Variants in COQ2 observed in about 807,000 individuals in gnomAD.
COQ2 encodes the protein coenzyme Q2, polyprenyltransferase.
COQ2 carries 25 observed loss-of-function variants against 35.7 expected under a neutral mutation model. The ratio of observed to expected loss-of-function variants is 0.70; its 90% confidence interval spans 0.51 to 0.98. COQ2 has a LOEUF of 0.98. COQ2 is among the 50% of genes least tolerant of loss of function. COQ2 has a pLI of 0.00. For synonymous variants in COQ2, 206 were observed against 186.2 expected (o/e 1.11, Z -0.86); for missense variants, 488 against 473.5 (o/e 1.03, Z -0.28).
Position 83,269,928 on chromosome 4 carries a change from CAGAT to C in COQ2, c.690_693del (p.Ser231PhefsTer14). The C allele has an allele frequency of 6.2e-7, 1 of 1,613,328 alleles. No homozygotes were observed. Among genetic ancestry groups the C allele is most frequent in the Middle Eastern group, 1.7e-4 (1 of 6,058 alleles). ...CCAGAAAAATAAAGAGGCAGGCAAA[CAGAT>C]GGATCACAGGAACCCTTGATAGCAG... On this transcript the variant is annotated frameshift_variant, in exon 5 of 7. Transcript: ENST00000647002. LOFTEE classifies it high-confidence loss of function.
chr4:83,272,907 G>A (rs1179613638), intron 3 of COQ2, among the ~76,000 whole-genome samples: 3 of 152,080 alleles, frequency 2.0e-5, no homozygotes, highest in Admixed American at 6.5e-5. Flanking sequence ...ATGCTATCAG[G>A]GCAAGGCACG....
Position 83,284,631 on chromosome 4 carries a change from G to A in COQ2, c.134C>T (p.Pro45Leu), listed in dbSNP as rs1735415914. 6.6e-7 allele frequency: 1 copy of A among 1,511,664 alleles called. No individual in the cohort carries two copies. Among genetic ancestry groups the A allele is most frequent in the East Asian group, 2.8e-5 (1 of 36,306 alleles). The allele number at this position is 1,511,664 out of a possible 1,614,324, so 93.6% of individuals were successfully genotyped here. Residue 45 changes from proline (P) to leucine (L), a missense_variant, in exon 1 of 7, where the codon CCC (proline) becomes CTC (leucine). Transcript: ENST00000647002. ...AGAPHGGDLQ[P>L]PACPEPRGRQ... is the part of the protein sequence containing the mutation. ...CCCGCGCGGCTCGGGACAGGCGGGG[G>A]GCTGCAAGTCACCACCGTGGGGCGC...
intron 6 of COQ2, among the ~76,000 whole-genome samples, chr4:83,266,259 T>C (rs1734915933): frequency 6.6e-6 from 1 of 152,260 alleles, no homozygotes; most frequent in Admixed American, 6.5e-5. Flanking sequence ...TCTGATTTCC[T>C]TCATACCATG....
chr4:83,264,439 G>A (rs1046461656), intron 6 of COQ2, 76 bp from the exon 7 acceptor site: 18 of 1,469,474 alleles, frequency 1.2e-5, no homozygotes, highest in South Asian at 9.1e-5. Flanking sequence ...ATGTTAACAC[G>A]GAGGAGAAAA....
chr4:83,269,588 C>G (rs1469957964), intron 5 of COQ2, among the ~76,000 whole-genome samples: 1 of 152,044 alleles, frequency 6.6e-6, no homozygotes, highest in Non-Finnish European at 1.5e-5. Context: ...TAAAACAGTG[C>G]CTGGCACATA....
At chr4:83,276,586 T>C (rs906611617) in intron 2 of COQ2, among the ~76,000 whole-genome samples, 4 of 152,198 alleles carry the variant, frequency 2.6e-5, no homozygotes, top group African/African-American at 7.2e-5. Context: ...GGAACACTTA[T>C]ACACAGTTGG....
In COQ2 at chr4:83,279,079, T is replaced by C; in HGVS notation, c.289A>G (p.Ile97Val). The change falls in exon 2 of 7, where the codon ATT becomes GTT. Residue 97 changes from isoleucine (I) to valine (V), a missense_variant. Coordinates refer to ENST00000647002, the MANE Select transcript of COQ2 (RefSeq NM_001358921.2). ...CAACCTGGTTCAGCTGCCAAACCAATGCTCCAGGTACATGGTAAATACAGA... is the reference window on the plus strand; with the variant it reads ...CAACCTGGTTCAGCTGCCAAACCAACGCTCCAGGTACATGGTAAATACAGA... ...WLLYLPCTWSIGLAAEPGCFP... is the reference protein window; with the variant it reads ...WLLYLPCTWSVGLAAEPGCFP... The C allele has an allele frequency of 6.3e-7, 1 of 1,591,890 alleles. No individual in the cohort carries two copies. The highest frequency in any genetic ancestry group is 8.6e-7 in the Non-Finnish European group (1 of 1,168,886).
chr4:83,267,637 A>G lies in COQ2; in HGVS notation c.900T>C (p.Thr300=). The change falls in exon 6 of 7, where the codon ACT becomes ACC. Residue 300 remains threonine, a synonymous_variant. Transcript: ENST00000647002. The part of the protein sequence containing the change: ...LSLVGVNSGQ[T]APYYAALGAV... ...CACCCAGGGCAGCGTAGTAGGGAGC[A>G]GTCTGTCCACTGTTCACACCCACTA... The G allele has an allele frequency of 6.3e-7, 1 of 1,584,148 alleles. No individual in the cohort carries two copies. The highest frequency in any genetic ancestry group is 1.2e-5 in the South Asian group (1 of 86,392).
chr4:83,275,159 T>C (rs910982586), intron 2 of COQ2, among the ~76,000 whole-genome samples: 6 of 152,252 alleles, frequency 3.9e-5, no homozygotes, highest in Non-Finnish European at 7.3e-5. Flanking sequence ...GTGTTGTTCA[T>C]CTGCTGATTG....
chr4:83,273,496 C>A lies in COQ2; in HGVS notation c.542G>T (p.Ser181Ile), dbSNP rs757009353. 1.1e-5 allele frequency: 18 copies of A among 1,609,496 alleles called. No individual in the cohort carries two copies. Among genetic ancestry groups the A allele is most frequent in the Admixed American group, 3.4e-5 (2 of 59,166 alleles). Residue 181 changes from serine (S) to isoleucine (I), a missense_variant and splice_region_variant, in exon 3 of 7, where the codon AGT becomes ATT. Ser to Ile is a moderately radical substitution (Grantham distance 142). Transcript: ENST00000647002. ...ATGATGTGGAAAACGTTTAATATAC[C>A]TGTAGTAATTTAGACACAGAAGAAC... ...LGVLLCLNYY[S>I]IALGAGSLLL...
At chr4:83,272,486 T>A (rs1214707274) in intron 3 of COQ2, among the ~76,000 whole-genome samples, 1 of 152,210 alleles carries the variant, frequency 6.6e-6, no homozygotes, top group Non-Finnish European at 1.5e-5. Context: ...AAAAGGCAGG[T>A]ATTATAATAT....
intron 1 of COQ2, among the ~76,000 whole-genome samples, chr4:83,279,977 C>T (rs191917152): frequency 2.8e-4 from 42 of 151,426 alleles, no homozygotes; most frequent in Non-Finnish European, 5.6e-4. Context: ...CCTCCTGCCT[C>T]CGCCTCCCCA....
chr4:83,281,680 C>T (rs1248177050), intron 1 of COQ2: 1 of 152,218 alleles, frequency 6.6e-6, no homozygotes, highest in African/African-American at 2.4e-5. Context: ...ATGGCACTTA[C>T]TGTACCAGGT....
chr4:83,264,470 A>C, intron 6 of COQ2, 107 bp from the exon 7 acceptor site: 1 of 1,451,260 alleles, frequency 6.9e-7, no homozygotes, highest in Non-Finnish European at 9.1e-7. Context: ...AAAAAATACA[A>C]ATATAAAAAA....
chr4:83,284,941 A>G (rs1023711196), upstream of COQ2: 2 of 1,431,244 alleles, frequency 1.4e-6, no homozygotes, highest in Admixed American at 6.3e-5. Context: ...AGGGAGGAAT[A>G]CTTAATGAAA....
Position 83,284,541 on chromosome 4 carries a change from A to T in COQ2, c.224T>A (p.Leu75Ter). The T allele has an allele frequency of 1.9e-6, 3 of 1,575,208 alleles. No individual in the cohort carries two copies. Among genetic ancestry groups the T allele is most frequent in the Non-Finnish European group, 2.6e-6 (3 of 1,162,288 alleles). ...GGGCTTGTCCAACCGCATGAGGCGCAAGTACGGCTGCAGGGGGCGGGGCGC... is the reference window on the plus strand; with the variant it reads ...GGGCTTGTCCAACCGCATGAGGCGCTAGTACGGCTGCAGGGGGCGGGGCGC... Reference protein sequence around the residue: ...DSAPRPLQPYLRLMRLDKPIG... With the variant: ...DSAPRPLQPY Residue 75 changes from leucine to a stop codon, truncating the protein, a stop_gained, in exon 1 of 7, where the codon TTG becomes TAG. Transcript: ENST00000647002. LOFTEE classifies it high-confidence loss of function.
chr4:83,279,380 T>A (rs904566379), intron 1 of COQ2, among the ~76,000 whole-genome samples: 1 of 152,134 alleles, frequency 6.6e-6, no homozygotes, highest in African/African-American at 2.4e-5. Flanking sequence ...CTCTTATACA[T>A]ATGAAAAGAT....
At chr4:83,284,982 A>T (rs551289426), upstream of COQ2, 295 of 1,081,648 alleles carry the variant, frequency 2.7e-4, 6 homozygotes, top group South Asian at 3.8e-3. Flanking sequence ...AGGCAAAAAA[A>T]TTACAATAAA....
At chr4:83,265,672 CTTTGTT>C (rs1734900889) in intron 6 of COQ2, among the ~76,000 whole-genome samples, 1 of 151,944 alleles carries the variant, frequency 6.6e-6, no homozygotes, top group Non-Finnish European at 1.5e-5. Context: ...TTTTTTCTTC[CTTTGTT>C]TTTGAGACAC....
Sources: allele counts gnomAD v4.1 joint callset (sites outside exome capture counted in the v4.1 genomes callset), GRCh38; gene constraint gnomAD v4.1.1; transcripts MANE v1.5; gene names NCBI Gene and HGNC (gene_info 2026-07-23, HGNC 2026-07-21).